The following OGDH variants were observed in gnomAD, a reference collection of about 807,000 sequenced individuals.
OGDH encodes the protein 2-oxoglutarate dehydrogenase complex component E1.
A neutral mutation model predicts 116.6 loss-of-function variants in OGDH; 38 were observed. The ratio of observed to expected loss-of-function variants is 0.33; its 90% CI spans 0.25 to 0.43. The LOEUF (loss-of-function observed/expected upper bound fraction) is 0.43, where lower values mean the gene tolerates loss of function less well. Ranked by LOEUF, OGDH falls within the 20% of genes least tolerant of loss-of-function variation. The pLI is 1.00. For synonymous variants in OGDH, 488 were observed against 533.3 expected, an observed-to-expected ratio of 0.92 and a Z score of 1.17; for missense variants, 825 against 1,357.2, an observed-to-expected ratio of 0.61 and a Z score of 6.16.
chr7:44,669,394 C>T (rs1787332342), intron 5 of OGDH, among the ~76,000 whole-genome samples: 1 of 152,060 alleles, frequency 6.6e-6, no homozygotes, highest in Non-Finnish European at 1.5e-5. Context: ...TCAAGTGATC[C>T]TCTTGCCTTC....
intron 5 of OGDH, 86 bp from the exon 6 acceptor site, chr7:44,673,701 C>T: frequency 7.4e-7 from 1 of 1,348,976 alleles, no homozygotes; most frequent in Non-Finnish European, 1.1e-6. Context: ...TTATCCCCTC[C>T]TTCTGGCTGA....
intron 4 of OGDH, among the ~76,000 whole-genome samples, chr7:44,662,830 A>C (rs1047188954): frequency 1.3e-5 from 2 of 152,172 alleles, no homozygotes; most frequent in African/African-American, 2.4e-5. Flanking sequence ...TTTTCCCTAT[A>C]GGTAAAGTGT....
chr7:44,618,217 A>G (rs1255127392), intron 1 of OGDH, among the ~76,000 whole-genome samples: 1 of 152,128 alleles, frequency 6.6e-6, no homozygotes, highest in East Asian at 1.9e-4. Flanking sequence ...ATTTTTTCTT[A>G]CACATTAAAA....
chr7:44,609,310 C>G (rs145135884), intron 1 of OGDH, among the ~76,000 whole-genome samples: 302 of 131,206 alleles, frequency 2.3e-3, no homozygotes, highest in African/African-American at 8.3e-3. Context: ...GAGTTCGAGT[C>G]TGAGGAACAT....
At chr7:44,635,397 A>G (rs1198558609) in intron 2 of OGDH, among the ~76,000 whole-genome samples, 1 of 152,188 alleles carries the variant, frequency 6.6e-6, no homozygotes, top group Non-Finnish European at 1.5e-5. Context: ...GCCTTTGAGC[A>G]TGGGTGTGGC....
intron 4 of OGDH, among the ~76,000 whole-genome samples, chr7:44,649,250 T>G (rs1786329426): frequency 6.9e-6 from 1 of 145,182 alleles, no homozygotes; most frequent in Non-Finnish European, 1.5e-5. Context: ...CTGTTGTTTT[T>G]TTTTTTTTTT....
rs112502418 is a variant in OGDH at position 44,694,589 on chromosome 7, G to A, written c.1668+13G>A. On this transcript the variant is annotated intron_variant, in intron 12 of 22. Coordinates refer to ENST00000222673, the MANE Select transcript of OGDH (RefSeq NM_002541.4). This position sits in a 1 kb window ranked among gnomAD's most constrained non-coding sequence, Gnocchi z 4.2. ...GCCTGAGTATGAGGTACGTCCCTGCGGCTCTATCCCAGTGCGCCTTTCCAG... is the reference window on the plus strand; with the variant it reads ...GCCTGAGTATGAGGTACGTCCCTGCAGCTCTATCCCAGTGCGCCTTTCCAG... The A allele has an allele frequency of 1.5e-4, 246 of 1,613,334 alleles. 4 individuals carry two copies. The African/African-American group carries it at 2.2e-3, about 14-fold the overall frequency.
At chr7:44,692,472 T>C (rs1034555821) in intron 10 of OGDH, among the ~76,000 whole-genome samples, 3 of 152,230 alleles carry the variant, frequency 2.0e-5, no homozygotes, top group South Asian at 4.1e-4. Flanking sequence ...TAGCAACTTG[T>C]GGCAGTGTCC....
chr7:44,682,512 A>C (rs916798070), intron 10 of OGDH, among the ~76,000 whole-genome samples: 2 of 151,894 alleles, frequency 1.3e-5, no homozygotes, highest in Non-Finnish European at 2.9e-5. Flanking sequence ...AGCCTGGCCA[A>C]CATGGAGAAA....
intron 4 of OGDH, among the ~76,000 whole-genome samples, chr7:44,660,333 C>T (rs895741578): frequency 6.6e-6 from 1 of 151,986 alleles, no homozygotes; most frequent in Non-Finnish European, 1.5e-5. Context: ...CTGTATTGCC[C>T]GGGCTGGTCA....
intron 4 of OGDH, among the ~76,000 whole-genome samples, chr7:44,648,344 A>G (rs533611301): frequency 1.3e-5 from 2 of 152,304 alleles, no homozygotes; most frequent in Admixed American, 6.5e-5. Context: ...TGTATGGAGC[A>G]CACTGGGGTT....
At chr7:44,691,119 G>A (rs143755376) in intron 10 of OGDH, among the ~76,000 whole-genome samples, 72 of 152,296 alleles carry the variant, frequency 4.7e-4, no homozygotes, top group African/African-American at 1.7e-3. Context: ...ATCTGTAGAA[G>A]GAGAGGAAGT....
In OGDH at chr7:44,707,463, G is replaced by C. The variant is rs1282436863; in HGVS notation, c.2796+75G>C. 2 of 1,598,444 alleles carry C rather than the reference G, an allele frequency of 1.3e-6. No individual in the cohort carries two copies. The highest frequency in any genetic ancestry group is 3.4e-5 in the Admixed American group (2 of 58,842). ...TCTGGTGCCTTCACAGAACAGCCTTGCTTGGGGTGTGGCCCTCAGGTTCCT... is the reference window on the plus strand; with the variant it reads ...TCTGGTGCCTTCACAGAACAGCCTTCCTTGGGGTGTGGCCCTCAGGTTCCT... On this transcript the variant is annotated intron_variant, in intron 21 of 22. Coordinates refer to ENST00000222673, the MANE Select transcript of OGDH (RefSeq NM_002541.4). This position sits in a 1 kb window ranked among gnomAD's most constrained non-coding sequence, Gnocchi z 5.2.
chr7:44,689,820 T>A (rs1430220051), intron 10 of OGDH, among the ~76,000 whole-genome samples: 1 of 152,206 alleles, frequency 6.6e-6, no homozygotes, highest in Non-Finnish European at 1.5e-5. Context: ...ATCCGATGAT[T>A]TGCAAATATG....
chr7:44,670,236 C>T (rs959294979), intron 5 of OGDH, among the ~76,000 whole-genome samples: 2 of 151,992 alleles, frequency 1.3e-5, no homozygotes, highest in South Asian at 2.1e-4. Context: ...ATTCTGCCAC[C>T]GTCAGGTGTA....
Position 44,697,222 on chromosome 7 carries a change from T to C in OGDH, c.2052-148T>C, listed in dbSNP as rs1788625796. The C allele has an allele frequency of 5.5e-6, 8 of 1,444,124 alleles. No homozygotes were observed. In the Admixed American group the frequency reaches 1.6e-4, roughly 29 times the overall value. 89.5% of individuals were successfully genotyped at this position (1,444,124 alleles called of 1,614,324 possible). Reference sequence around the variant, plus strand: ...CCTCATTTGCTATGGGTGCTTCTGTTAAGACCTGGGTGGGGCCGACCCTGC... The same window carrying C: ...CCTCATTTGCTATGGGTGCTTCTGTCAAGACCTGGGTGGGGCCGACCCTGC... On this transcript the variant is annotated intron_variant, in intron 15 of 22. Transcript: ENST00000222673. The surrounding 1 kb of genome is among the most constrained non-coding windows in gnomAD (Gnocchi z 6.0).
Position 44,697,857 on chromosome 7 carries a change from G to T in OGDH, c.2358+75G>T. 1 of 1,506,036 alleles carries T rather than the reference G, an allele frequency of 6.6e-7. No homozygotes were observed. Among genetic ancestry groups the T allele is most frequent in the South Asian group, 1.3e-5 (1 of 77,572 alleles). The allele number at this position is 1,506,036 out of a possible 1,614,324, so 93.3% of individuals were successfully genotyped here. A position where few individuals can be genotyped will look rare whatever the true frequency, so the allele number is the denominator to read the frequency against. ...TGTAGGACCCTGACCCCAAAGACTG[G>T]CACGAGAGCCAGTGGCTCACACCAG... On this transcript the variant is annotated intron_variant, in intron 17 of 22. Transcript: ENST00000222673. This position sits in a 1 kb window ranked among gnomAD's most constrained non-coding sequence, Gnocchi z 6.0.
intron 3 of OGDH, 145 bp downstream of exon 3, chr7:44,645,663 A>G: frequency 1.3e-6 from 1 of 778,968 alleles, no homozygotes; most frequent in East Asian, 2.8e-5. Context: ...CTGCTTTGGG[A>G]GGCTAAAAAA....
intron 4 of OGDH, among the ~76,000 whole-genome samples, chr7:44,651,904 G>A (rs962429796): frequency 1.1e-4 from 16 of 151,142 alleles, no homozygotes; most frequent in Admixed American, 4.6e-4. Flanking sequence ...GTTTCACCAC[G>A]TTGCCCAGGC....
Sources: allele counts gnomAD v4.1 joint callset (sites outside exome capture counted in the v4.1 genomes callset), GRCh38; gene constraint gnomAD v4.1.1; non-coding constraint Gnocchi (gnomAD v3.1); transcripts MANE v1.5; gene names NCBI Gene and HGNC (gene_info 2026-07-23, HGNC 2026-07-21).